The following RHOU variants were observed in gnomAD, a reference collection of about 807,000 sequenced individuals.
The protein encoded by RHOU is ras homolog family member U, also known as rho-related GTP-binding protein RhoU.
RHOU carries 8 observed loss-of-function variants against 12.6 expected under a neutral mutation model. The ratio of observed to expected loss-of-function variants is 0.64; its 90% CI spans 0.37 to 1.15. The LOEUF is 1.15. Ranked by LOEUF, RHOU falls within the 50% of genes most tolerant of loss-of-function variation. The probability of loss-of-function intolerance (pLI) is 0.01; values close to 1 mark genes in which losing one functional copy is unlikely to be tolerated. For synonymous variants in RHOU, 161 were observed against 147.4 expected (o/e 1.09, Z -0.67); for missense variants, 258 against 347.0 (o/e 0.74, Z 2.04).
the RHOU span, among the ~76,000 whole-genome samples, chr1:228,660,613 G>A: frequency 1.3e-5 from 2 of 151,654 alleles, no homozygotes; most frequent in Non-Finnish European, 1.5e-5. Context: ...TCATAGAAAA[G>A]GAAAGCCAAG....
At chr1:228,650,241 G>C in the RHOU span, 1 of 457,804 alleles carries the variant, frequency 2.2e-6, no homozygotes, top group Non-Finnish European at 4.4e-6. Flanking sequence ...TGTGGAGTAC[G>C]TGGCGCTGGG....
the RHOU span, among the ~76,000 whole-genome samples, chr1:228,678,462 C>T: frequency 3.3e-5 from 5 of 152,166 alleles, no homozygotes; most frequent in Non-Finnish European, 5.9e-5. Flanking sequence ...TCAGTATAAA[C>T]GTTGCCCTGA....
At chr1:228,659,764 A>G in the RHOU span, among the ~76,000 whole-genome samples, 3 of 152,034 alleles carry the variant, frequency 2.0e-5, no homozygotes, top group African/African-American at 7.2e-5. Flanking sequence ...CAGGCGGATC[A>G]CTTGAGGTCA....
At chr1:228,720,963 G>T in the RHOU span, among the ~76,000 whole-genome samples, 1 of 152,148 alleles carries the variant, frequency 6.6e-6, no homozygotes, top group Admixed American at 6.5e-5. Context: ...CACAGCAGTT[G>T]CCTCCCTGCT....
chr1:228,701,272 A>G, the RHOU span, among the ~76,000 whole-genome samples: 12 of 152,218 alleles, frequency 7.9e-5, no homozygotes, highest in Admixed American at 7.9e-4. Flanking sequence ...GTATGACCAC[A>G]GGTCACTGTA....
upstream of RHOU, among the ~76,000 whole-genome samples, chr1:228,730,647 C>G (rs1662477146): frequency 6.6e-6 from 1 of 152,152 alleles, no homozygotes; most frequent in South Asian, 2.1e-4. Flanking sequence ...GTCTCCAGTT[C>G]TAGAGAAATA....
At chr1:228,722,391 G>A in the RHOU span, among the ~76,000 whole-genome samples, 1 of 151,984 alleles carries the variant, frequency 6.6e-6, no homozygotes, top group East Asian at 1.9e-4. Flanking sequence ...ATCCTTCGTT[G>A]CTGATGAAAC....
chr1:228,684,716 A>T, the RHOU span, among the ~76,000 whole-genome samples: 1 of 152,146 alleles, frequency 6.6e-6, no homozygotes, highest in African/African-American at 2.4e-5. Context: ...GCAGGAAAAA[A>T]CATGCAGGCT....
chr1:228,690,306 C>CTGAAGA, the RHOU span, among the ~76,000 whole-genome samples: 1 of 151,732 alleles, frequency 6.6e-6, no homozygotes, highest in Admixed American at 6.6e-5. Flanking sequence ...AGACCAAATG[C>CTGAAGA]TGAAGATTAG....
chr1:228,733,347 G>A (rs139370955), upstream of RHOU, among the ~76,000 whole-genome samples: 177 of 152,254 alleles, frequency 1.2e-3, 1 homozygote, highest in African/African-American at 3.6e-3. Flanking sequence ...TCTCACTCTC[G>A]CCCAGGCTAG....
At chr1:228,703,685 A>G in the RHOU span, among the ~76,000 whole-genome samples, 1 of 152,226 alleles carries the variant, frequency 6.6e-6, no homozygotes, top group South Asian at 2.1e-4. Flanking sequence ...CAGCAATTAA[A>G]GCATTCTCTA....
upstream of RHOU, among the ~76,000 whole-genome samples, chr1:228,732,306 C>T (rs1390098605): frequency 6.6e-6 from 1 of 152,100 alleles, no homozygotes; most frequent in Non-Finnish European, 1.5e-5. Context: ...AATAAACAAA[C>T]AAATATATCA....
At chr1:228,688,067 G>A in the RHOU span, among the ~76,000 whole-genome samples, 2 of 148,180 alleles carry the variant, frequency 1.3e-5, no homozygotes, top group African/African-American at 4.9e-5. Context: ...CTGTACAAGA[G>A]CAAGGATTTT....
chr1:228,687,906 T>C, the RHOU span: 4 of 774,014 alleles, frequency 5.2e-6, 1 homozygote, highest in Admixed American at 1.9e-5. Context: ...CATATTGTTC[T>C]CCCCCTCTCC....
chr1:228,663,615 C>CT, the RHOU span, among the ~76,000 whole-genome samples: 5 of 86,710 alleles, frequency 5.8e-5, no homozygotes, highest in Admixed American at 5.0e-4. Context: ...CTTTTCTTTT[C>CT]TTTTCTTTTC....
At chr1:228,674,799 C>G in the RHOU span, among the ~76,000 whole-genome samples, 4 of 152,028 alleles carry the variant, frequency 2.6e-5, no homozygotes, top group African/African-American at 7.2e-5. Context: ...GGCGCGACCT[C>G]GGCTCACTGC....
At position 228,735,801 on chromosome 1, in the gene RHOU, C is replaced by T; in HGVS notation, c.59C>T (p.Pro20Leu). 2.5e-6 allele frequency: 3 copies of T among 1,218,628 alleles called. No homozygotes were observed. The highest frequency in any genetic ancestry group is 3.1e-6 in the Non-Finnish European group (3 of 980,748). 75.5% of individuals were successfully genotyped at this position (1,218,628 alleles called of 1,614,324 possible). Residue 20 changes from proline (P) to leucine (L), a missense_variant, in exon 1 of 3, where the codon CCG becomes CTG. Transcript: ENST00000366691. This position sits in a 1 kb window ranked among gnomAD's most constrained non-coding sequence, Gnocchi z 8.1. ...GACCGCTGCGAGGCGCCTCCGGTGC[C>T]GCCGCGTCGGGAGCGCGGTGGACGC... ...FPDRCEAPPV[P>L]PRRERGGRGG...
chr1:228,699,127 G>C, the RHOU span, among the ~76,000 whole-genome samples: 1 of 151,108 alleles, frequency 6.6e-6, no homozygotes, highest in Non-Finnish European at 1.5e-5. Flanking sequence ...ATATACTCTG[G>C]CATAATGTAT....
chr1:228,730,079 C>T, the RHOU span, among the ~76,000 whole-genome samples: 26 of 151,634 alleles, frequency 1.7e-4, no homozygotes, highest in South Asian at 6.2e-4. Context: ...TTTTTTTTTC[C>T]TAGGATGACA....
Sources: allele counts gnomAD v4.1 joint callset (sites outside exome capture counted in the v4.1 genomes callset), GRCh38; gene constraint gnomAD v4.1.1; non-coding constraint Gnocchi (gnomAD v3.1); transcripts MANE v1.5; gene names NCBI Gene and HGNC (gene_info 2026-07-23, HGNC 2026-07-21).